GALNT13: variants seen among roughly 807,000 people sequenced by gnomAD.
The protein encoded by GALNT13 is polypeptide N-acetylgalactosaminyltransferase 13, also known as UDP-GalNAc:polypeptide N-acetylgalactosaminyltransferase 13.
Under a neutral mutation model 64.2 loss-of-function variants are expected in GALNT13, and 28 were observed. The ratio of observed to expected loss-of-function variants is 0.44; its 90% CI spans 0.32 to 0.60. The LOEUF (loss-of-function observed/expected upper bound fraction) is 0.60, where lower values mean the gene tolerates loss of function less well. GALNT13 is among the 20% of genes least tolerant of loss of function. GALNT13 has a pLI of 0.05. For missense variants in GALNT13, 577 were observed against 669.8 expected (o/e 0.86, Z 1.53); for synonymous variants, 214 against 224.6 (o/e 0.95, Z 0.42).
the GALNT13 span, among the ~76,000 whole-genome samples, chr2:153,560,177 G>T: frequency 6.6e-6 from 1 of 151,992 alleles, no homozygotes; most frequent in Non-Finnish European, 1.5e-5. Flanking sequence ...AATATTTAGA[G>T]ACCATGATCT....
intron 8 of GALNT13, among the ~76,000 whole-genome samples, chr2:154,280,602 G>A (rs1259616241): frequency 6.6e-6 from 1 of 152,148 alleles, no homozygotes; most frequent in African/African-American, 2.4e-5. Context: ...AACTTTTTCT[G>A]AGCTACCAGG....
the GALNT13 span, among the ~76,000 whole-genome samples, chr2:153,653,202 G>T: frequency 6.6e-6 from 1 of 151,820 alleles, no homozygotes. Context: ...GTTTGTTAGG[G>T]ATCAACACAT....
At chr2:154,045,291 A>C (rs901013818) in intron 3 of GALNT13, among the ~76,000 whole-genome samples, 1 of 152,196 alleles carries the variant, frequency 6.6e-6, no homozygotes, top group African/African-American at 2.4e-5. Context: ...AGTCATGTGA[A>C]TTGTGGTTAC....
chr2:154,452,892 G>A lies in GALNT13; in HGVS notation c.*2341G>A, dbSNP rs928951394. 1 of 152,094 alleles carries A rather than the reference G, an allele frequency of 6.6e-6. No homozygotes were observed. The highest frequency in any genetic ancestry group is 1.5e-5 in the Non-Finnish European group (1 of 68,020). 9.4% of individuals were successfully genotyped at this position (152,094 alleles called of 1,614,324 possible). ...TGCACTTGTCTTATCCCTTATTTAT[G>A]GAGCTAGACTGACATATTTCAAACC... On this transcript the variant is annotated 3_prime_UTR_variant, in exon 13 of 13. Coordinates refer to ENST00000392825, the MANE Select transcript of GALNT13 (RefSeq NM_052917.4).
At chr2:154,398,916 C>G (rs1699175575) in intron 10 of GALNT13, among the ~76,000 whole-genome samples, 1 of 152,152 alleles carries the variant, frequency 6.6e-6, no homozygotes, top group Non-Finnish European at 1.5e-5. Context: ...ACTTTCATGA[C>G]TTGGATTTTA....
intron 9 of GALNT13, among the ~76,000 whole-genome samples, chr2:154,373,153 A>G (rs946605587): frequency 4.6e-5 from 7 of 152,162 alleles, no homozygotes; most frequent in South Asian, 4.1e-4. Context: ...CTCAGTTTTC[A>G]TACATTTTAT....
intron 3 of GALNT13, among the ~76,000 whole-genome samples, chr2:154,134,480 C>A (rs185236572): frequency 8.2e-4 from 124 of 152,134 alleles, no homozygotes; most frequent in Non-Finnish European, 9.0e-4. Flanking sequence ...TATTTTCAGG[C>A]AAATTTACAA....
intron 9 of GALNT13, among the ~76,000 whole-genome samples, chr2:154,391,061 T>C (rs766337816): frequency 6.6e-5 from 10 of 152,230 alleles, no homozygotes; most frequent in Non-Finnish European, 1.5e-4. Context: ...GATAGTCTTC[T>C]CTTTTACGCT....
At chr2:153,165,463 A>G in the GALNT13 span, among the ~76,000 whole-genome samples, 2 of 152,334 alleles carry the variant, frequency 1.3e-5, no homozygotes, top group East Asian at 3.9e-4. Context: ...GTCAACTTGT[A>G]TTTGAAAATC....
the GALNT13 span, among the ~76,000 whole-genome samples, chr2:153,068,741 T>C: frequency 6.6e-6 from 1 of 152,200 alleles, no homozygotes; most frequent in East Asian, 1.9e-4. Context: ...TTGATTTGCT[T>C]GTCCCTTTTT....
chr2:153,726,294 G>A, the GALNT13 span, among the ~76,000 whole-genome samples: 10 of 152,168 alleles, frequency 6.6e-5, no homozygotes, highest in East Asian at 1.7e-3. Flanking sequence ...TTAAGTCAAC[G>A]CTGTCTTTAG....
At chr2:154,163,302 A>G (rs1195040069) in intron 4 of GALNT13, among the ~76,000 whole-genome samples, 1 of 152,030 alleles carries the variant, frequency 6.6e-6, no homozygotes, top group Non-Finnish European at 1.5e-5. Context: ...CAATGAATCC[A>G]GGAGCTGGTT....
chr2:153,438,991 C>A, the GALNT13 span, among the ~76,000 whole-genome samples: 1 of 151,850 alleles, frequency 6.6e-6, no homozygotes, highest in African/African-American at 2.4e-5. Context: ...CGTACAGATG[C>A]GTTTTTGGTG....
rs76468117 is a variant in GALNT13, at chr2:154,344,959, T to G, written c.1156+43370T>G. Among the ~76,000 whole-genome samples, 1,178 of 151,804 alleles carry G rather than the reference T, an allele frequency of 7.8e-3. 13 individuals carry two copies. Among genetic ancestry groups the G allele is most frequent in the African/African-American group, 0.027 (1,121 of 41,412 alleles). ...AAGCACTGTGTGGCTAAAAATAGGG[T>G]CAAAAATATAAGAAACTCAGAATAT... is the stretch of plus-strand genomic sequence containing the variant. On this transcript the variant is annotated intron_variant, in intron 9 of 12. Coordinates refer to ENST00000392825, the MANE Select transcript of GALNT13 (RefSeq NM_052917.4).
chr2:154,310,225 C>A (rs957151613), intron 9 of GALNT13, among the ~76,000 whole-genome samples: 1 of 151,980 alleles, frequency 6.6e-6, no homozygotes, highest in African/African-American at 2.4e-5. Context: ...TATTTCTTAC[C>A]CCCACTAAAT....
chr2:153,475,356 A>G, the GALNT13 span, among the ~76,000 whole-genome samples: 1 of 152,218 alleles, frequency 6.6e-6, no homozygotes, highest in Non-Finnish European at 1.5e-5. Context: ...TTTTGTATCT[A>G]AGGACTACAT....
intron 3 of GALNT13, among the ~76,000 whole-genome samples, chr2:154,051,607 A>C (rs1218737802): frequency 3.3e-5 from 5 of 152,240 alleles, no homozygotes; most frequent in Non-Finnish European, 5.9e-5. Flanking sequence ...TCCTTCTTGA[A>C]GTTTAAGCTA....
chr2:153,854,081 G>A, the GALNT13 span, among the ~76,000 whole-genome samples: 2 of 151,612 alleles, frequency 1.3e-5, no homozygotes, highest in African/African-American at 4.8e-5. Context: ...ACTATAAAAT[G>A]TAAGCGTTGT....
chr2:153,410,738 A>G, the GALNT13 span, among the ~76,000 whole-genome samples: 1 of 152,176 alleles, frequency 6.6e-6, no homozygotes, highest in African/African-American at 2.4e-5. Context: ...GAATAAAAAG[A>G]GTGGAGCAGG....
Sources: allele counts gnomAD v4.1 joint callset (sites outside exome capture counted in the v4.1 genomes callset), GRCh38; gene constraint gnomAD v4.1.1; transcripts MANE v1.5; gene names NCBI Gene and HGNC (gene_info 2026-07-23, HGNC 2026-07-21).